Variants in GNA14 observed in about 807,000 individuals in gnomAD.
The protein encoded by GNA14 is G protein subunit alpha 14.
GNA14 carries 50 observed loss-of-function variants against 42.0 expected under a neutral mutation model. That is an observed-to-expected ratio of 1.19 (90% CI 0.95 to 1.51). GNA14 has a LOEUF of 1.51. GNA14 is among the 40% of genes most tolerant of loss of function. The pLI is 0.00. For missense variants in GNA14, 473 were observed against 446.2 expected, an observed-to-expected ratio of 1.06 and a Z score of -0.54; for synonymous variants, 173 against 163.1, an observed-to-expected ratio of 1.06 and a Z score of -0.46.
At chr9:77,493,059 C>T (rs993271634) in intron 2 of GNA14, among the ~76,000 whole-genome samples, 28 of 126,600 alleles carry the variant, frequency 2.2e-4, no homozygotes, top group Non-Finnish European at 2.0e-4. Context: ...GGGAGATGCT[C>T]AGAGGAACAT....
At chr9:77,539,898 G>C (rs987963282) in intron 1 of GNA14, among the ~76,000 whole-genome samples, 3 of 151,982 alleles carry the variant, frequency 2.0e-5, no homozygotes, top group Non-Finnish European at 2.9e-5. Flanking sequence ...GGTTAGTCTA[G>C]CTAGTGGTTT....
At chr9:77,579,356 G>A (rs1259246354) in intron 1 of GNA14, among the ~76,000 whole-genome samples, 3 of 152,116 alleles carry the variant, frequency 2.0e-5, no homozygotes, top group African/African-American at 7.2e-5. Context: ...TGTAGGGAAG[G>A]GGTTGCCTCA....
intron 1 of GNA14, among the ~76,000 whole-genome samples, chr9:77,571,756 CAAA>C (rs35715329): frequency 2.3e-5 from 3 of 129,824 alleles, no homozygotes; most frequent in Non-Finnish European, 3.2e-5. Context: ...CCTCTGCCTT[CAAA>C]AAAAAAAAAA....
At chr9:77,487,933 C>T (rs1269542345) in intron 2 of GNA14, among the ~76,000 whole-genome samples, 1 of 152,036 alleles carries the variant, frequency 6.6e-6, no homozygotes, top group African/African-American at 2.4e-5. Context: ...CCACGTTGGG[C>T]ACTGGAGCCA....
At chr9:77,647,076 A>G (rs938674407) in intron 1 of GNA14, among the ~76,000 whole-genome samples, 1 of 152,214 alleles carries the variant, frequency 6.6e-6, no homozygotes, top group Non-Finnish European at 1.5e-5. Context: ...CAGCAACGGC[A>G]TGGGCTTCAC....
intron 2 of GNA14, among the ~76,000 whole-genome samples, chr9:77,446,524 C>G (rs540110448): frequency 1.4e-3 from 208 of 152,258 alleles, no homozygotes; most frequent in Non-Finnish European, 2.5e-3. Context: ...TGAGGGAATT[C>G]AGGCTGAAGC....
intron 1 of GNA14, among the ~76,000 whole-genome samples, chr9:77,600,385 CTG>C (rs1211804088): frequency 2.0e-5 from 3 of 152,284 alleles, no homozygotes; most frequent in Admixed American, 2.0e-4. Context: ...TCTTGTGAAA[CTG>C]TGAGAGCAAT....
intron 1 of GNA14, among the ~76,000 whole-genome samples, chr9:77,590,666 G>A (rs1234164722): frequency 2.0e-5 from 3 of 151,050 alleles, no homozygotes; most frequent in South Asian, 2.1e-4. Flanking sequence ...TTGAAGACCC[G>A]TTCACTCATG....
chr9:77,488,086 C>T (rs1002887238), intron 2 of GNA14, among the ~76,000 whole-genome samples: 4 of 152,084 alleles, frequency 2.6e-5, no homozygotes, highest in African/African-American at 9.7e-5. Context: ...AGTGTAGAAG[C>T]AAGCTGCCTT....
At chr9:77,469,440 T>C (rs1421795740) in intron 2 of GNA14, among the ~76,000 whole-genome samples, 1 of 151,192 alleles carries the variant, frequency 6.6e-6, no homozygotes, top group Non-Finnish European at 1.5e-5. Flanking sequence ...TATACACTAC[T>C]GTTATTGTTT....
chr9:77,623,265 GA>G (rs1363479997), intron 1 of GNA14, among the ~76,000 whole-genome samples: 9 of 56,754 alleles, frequency 1.6e-4, no homozygotes, highest in Admixed American at 4.5e-4. Context: ...GAAAGAAAAA[GA>G]AAAAAAAATT....
intron 2 of GNA14, among the ~76,000 whole-genome samples, chr9:77,497,275 C>A (rs1836887754): frequency 6.6e-6 from 1 of 152,160 alleles, no homozygotes; most frequent in African/African-American, 2.4e-5. Context: ...TCTGGCTCTT[C>A]CATTTGTGTA....
chr9:77,623,593 G>T (rs1823967649), intron 1 of GNA14, among the ~76,000 whole-genome samples: 1 of 152,178 alleles, frequency 6.6e-6, no homozygotes, highest in African/African-American at 2.4e-5. Flanking sequence ...ATTGGGATTG[G>T]TTAGAGTGGG....
chr9:77,564,306 A>AAAC (rs1554698973), intron 1 of GNA14, among the ~76,000 whole-genome samples: 1 of 147,414 alleles, frequency 6.8e-6, no homozygotes, highest in Non-Finnish European at 1.5e-5. Context: ...TAAAAAAAAA[A>AAAC]AAAAAAAACT....
At chr9:77,526,337 T>C (rs759348493) in intron 2 of GNA14, among the ~76,000 whole-genome samples, 135 of 152,224 alleles carry the variant, frequency 8.9e-4, no homozygotes, top group Middle Eastern at 3.4e-3. Flanking sequence ...TGGACATGAA[T>C]CTTGGGGAGC....
chr9:77,535,636 G>A (rs918307050), intron 1 of GNA14, among the ~76,000 whole-genome samples: 4 of 152,194 alleles, frequency 2.6e-5, no homozygotes, highest in African/African-American at 9.6e-5. Flanking sequence ...CCCTACCTAA[G>A]TGCAGGACAG....
At chr9:77,608,913 G>A (rs1022247514) in intron 1 of GNA14, among the ~76,000 whole-genome samples, 4 of 151,996 alleles carry the variant, frequency 2.6e-5, no homozygotes, top group Non-Finnish European at 4.4e-5. Flanking sequence ...GGCTTCTGTT[G>A]AAATAGCTGA....
chr9:77,588,332 A>C (rs1308811677), intron 1 of GNA14, among the ~76,000 whole-genome samples: 1 of 152,160 alleles, frequency 6.6e-6, no homozygotes, highest in African/African-American at 2.4e-5. Context: ...CAACCACAGA[A>C]CATTAATTGA....
intron 2 of GNA14, among the ~76,000 whole-genome samples, chr9:77,465,178 C>T (rs1037828072): frequency 6.6e-6 from 1 of 152,166 alleles, no homozygotes; most frequent in Non-Finnish European, 1.5e-5. Context: ...CCCATTTACT[C>T]CCCCTTTTCC....
Sources: gnomAD v4.1 joint callset for allele counts (sites outside exome capture counted in the v4.1 genomes callset) on GRCh38, gnomAD v4.1.1 for gene constraint, MANE v1.5 for transcripts, NCBI Gene and HGNC (gene_info 2026-07-23, HGNC 2026-07-21) for gene names.